Variants in FSTL4 observed in about 807,000 individuals in gnomAD.
FSTL4 encodes the protein follistatin like 4.
In FSTL4, 28 loss-of-function variants were observed where a neutral mutation model predicts 78.2. The observed-to-expected ratio is 0.36, with a 90% confidence interval of 0.27 to 0.49. The LOEUF is 0.49. Among genes scored for constraint, FSTL4 ranks in the 20% least tolerant of loss-of-function variants. The pLI is 0.98. For missense variants in FSTL4, 922 were observed against 1,084.9 expected, an observed-to-expected ratio of 0.85 and a Z score of 2.11; for synonymous variants, 422 against 440.5, an observed-to-expected ratio of 0.96 and a Z score of 0.53.
the FSTL4 span, among the ~76,000 whole-genome samples, chr5:133,833,495 C>G: frequency 5.3e-5 from 8 of 152,286 alleles, no homozygotes; most frequent in South Asian, 1.7e-3. Context: ...TTTAGAATCA[C>G]GGGGAAGTTT....
the FSTL4 span, among the ~76,000 whole-genome samples, chr5:133,729,814 C>A: frequency 2.6e-4 from 40 of 152,148 alleles, 1 homozygote; most frequent in Middle Eastern, 6.8e-3. Flanking sequence ...TATTACCCCA[C>A]CCCCCAATCC....
intron 6 of FSTL4, among the ~76,000 whole-genome samples, chr5:133,282,798 G>A (rs533257477): frequency 6.1e-4 from 93 of 152,296 alleles, no homozygotes; most frequent in African/African-American, 2.1e-3. Context: ...CCTTGCCCTA[G>A]TTGTCTGAGG....
intron 1 of FSTL4, among the ~76,000 whole-genome samples, chr5:133,609,439 C>A (rs1761043192): frequency 6.6e-6 from 1 of 152,170 alleles, no homozygotes; most frequent in African/African-American, 2.4e-5. Flanking sequence ...CCACATCAAC[C>A]CCAGCGTGAA....
intron 3 of FSTL4, among the ~76,000 whole-genome samples, chr5:133,499,715 C>T (rs1758450051): frequency 6.6e-6 from 1 of 152,126 alleles, no homozygotes; most frequent in African/African-American, 2.4e-5. Context: ...CTCTGACATG[C>T]TGCCAAGGCC....
intron 3 of FSTL4, among the ~76,000 whole-genome samples, chr5:133,444,572 T>C (rs1193838087): frequency 3.3e-5 from 5 of 152,222 alleles, no homozygotes; most frequent in Non-Finnish European, 7.3e-5. Context: ...CCAGTGCTGC[T>C]CTATCCAGGC....
At chr5:133,223,887 G>A (rs879043799) in intron 11 of FSTL4, among the ~76,000 whole-genome samples, 1 of 152,014 alleles carries the variant, frequency 6.6e-6, no homozygotes, top group Admixed American at 6.5e-5. Flanking sequence ...CCCAACACCA[G>A]TCAGCTACTG....
the FSTL4 span, among the ~76,000 whole-genome samples, chr5:133,814,859 T>C: frequency 6.6e-6 from 1 of 152,202 alleles, no homozygotes; most frequent in Admixed American, 6.5e-5. Flanking sequence ...GTAAGGGAAG[T>C]TCTAAACTGT....
At chr5:133,316,994 G>C (rs1753921863) in intron 4 of FSTL4, among the ~76,000 whole-genome samples, 1 of 152,132 alleles carries the variant, frequency 6.6e-6, no homozygotes, top group African/African-American at 2.4e-5. Context: ...CAGCCCCACA[G>C]AGGCTTTAGG....
chr5:133,294,901 A>T (rs1006945807), intron 6 of FSTL4, among the ~76,000 whole-genome samples: 1 of 151,914 alleles, frequency 6.6e-6, no homozygotes, highest in Non-Finnish European at 1.5e-5. Flanking sequence ...CAATTCCCTT[A>T]CCCTCTCTTG....
intron 4 of FSTL4, among the ~76,000 whole-genome samples, chr5:133,335,771 T>C (rs1373547503): frequency 6.6e-6 from 1 of 152,054 alleles, no homozygotes; most frequent in Non-Finnish European, 1.5e-5. Flanking sequence ...GCATGCAGTG[T>C]GATGCCCACC....
At chr5:133,732,792 G>A in the FSTL4 span, among the ~76,000 whole-genome samples, 2,459 of 152,252 alleles carry the variant, frequency 0.016, 68 homozygotes, top group African/African-American at 0.055. Flanking sequence ...AGGGGTCCCC[G>A]GGCTCTCCAT....
At chr5:133,637,977 TA>T in the FSTL4 span, among the ~76,000 whole-genome samples, 2 of 138,280 alleles carry the variant, frequency 1.4e-5, no homozygotes, top group Admixed American at 7.4e-5. Context: ...ATAATAATAA[TA>T]AATTAATTAA....
chr5:133,707,735 T>C, the FSTL4 span, among the ~76,000 whole-genome samples: 2 of 152,118 alleles, frequency 1.3e-5, no homozygotes, highest in South Asian at 4.2e-4. Flanking sequence ...TAAGGCCCCA[T>C]AGGGTACCCT....
chr5:133,285,837 T>C (rs1219364510), intron 6 of FSTL4, among the ~76,000 whole-genome samples: 1 of 152,232 alleles, frequency 6.6e-6, no homozygotes, highest in Non-Finnish European at 1.5e-5. Context: ...AGGATGGGCC[T>C]GCAGGCTAGG....
At chr5:133,564,254 C>T (rs1361992040) in intron 3 of FSTL4, among the ~76,000 whole-genome samples, 1 of 152,166 alleles carries the variant, frequency 6.6e-6, no homozygotes, top group African/African-American at 2.4e-5. Context: ...AAATAAGGTT[C>T]CATTCACAGG....
rs934915081 is a variant in FSTL4, at chr5:133,198,959, C to A, written c.*136G>T. 2.3e-5 allele frequency: 13 copies of A among 556,306 alleles called. No individual in the cohort carries two copies. Among genetic ancestry groups the A allele is most frequent in the Non-Finnish European group, 3.8e-5 (12 of 317,556 alleles). The allele number at this position is 556,306 out of a possible 1,614,324, so 34.5% of individuals were successfully genotyped here. On this transcript the variant is annotated 3_prime_UTR_variant, in exon 16 of 16. Transcript: ENST00000265342. ...CGCATACCTTATACTAGGAAACTTG[C>A]AAGGAGACCAGTGTTGAACCACAAA...
chr5:133,440,702 A>G lies in FSTL4; in HGVS notation c.161-39716T>C, dbSNP rs1247985240. ...GGCCTGGGAATGTCCAAGCAGGGGGAAGAGAAGACAGTGGAGACTGCAAGA... is the reference window on the plus strand; with the variant it reads ...GGCCTGGGAATGTCCAAGCAGGGGGGAGAGAAGACAGTGGAGACTGCAAGA... On this transcript the variant is annotated intron_variant, in intron 3 of 15. Coordinates refer to ENST00000265342, the MANE Select transcript of FSTL4 (RefSeq NM_015082.2). This position sits in a 1 kb window ranked among gnomAD's most constrained non-coding sequence, Gnocchi z 4.1. 1.3e-5 allele frequency among the ~76,000 whole-genome samples: 2 copies of G among 152,042 alleles called. No homozygotes were observed. The highest frequency in any genetic ancestry group is 4.8e-5 in the African/African-American group (2 of 41,404).
At chr5:133,262,805 C>T (rs977284128) in intron 6 of FSTL4, among the ~76,000 whole-genome samples, 1 of 152,214 alleles carries the variant, frequency 6.6e-6, no homozygotes, top group African/African-American at 2.4e-5. Context: ...CGTGTCACAT[C>T]ACTCCTAAAC....
At chr5:133,540,574 A>T (rs150964349) in intron 3 of FSTL4, among the ~76,000 whole-genome samples, 2 of 152,112 alleles carry the variant, frequency 1.3e-5, no homozygotes, top group African/African-American at 4.8e-5. Context: ...TTGACCTGAA[A>T]TCTTTTCTTA....
Sources: allele counts gnomAD v4.1 joint callset (sites outside exome capture counted in the v4.1 genomes callset), GRCh38; gene constraint gnomAD v4.1.1; non-coding constraint Gnocchi (gnomAD v3.1); transcripts MANE v1.5; gene names NCBI Gene and HGNC (gene_info 2026-07-23, HGNC 2026-07-21).